The following ZNF284 variants were observed in gnomAD, a reference collection of about 807,000 sequenced individuals.
The protein encoded by ZNF284 is zinc finger protein 284.
A neutral mutation model predicts 12.9 loss-of-function variants in ZNF284; 12 were observed. The observed-to-expected ratio is 0.93, with a 90% CI of 0.60 to 1.51. The LOEUF (loss-of-function observed/expected upper bound fraction) is 1.51, where lower values mean the gene tolerates loss of function less well. Ranked by LOEUF, ZNF284 falls within the 40% of genes most tolerant of loss-of-function variation. ZNF284 has a pLI of 0.00. For synonymous variants in ZNF284, 225 were observed against 236.5 expected, an observed-to-expected ratio of 0.95 and a Z score of 0.45; for missense variants, 667 against 707.3, an observed-to-expected ratio of 0.94 and a Z score of 0.65.
In ZNF284 at chr19:44,082,018, C is replaced by G. The variant is rs767649596; in HGVS notation, c.148C>G (p.Gln50Glu). The G allele has an allele frequency of 2.4e-5, 38 of 1,611,334 alleles. No homozygotes were observed. Among genetic ancestry groups the G allele is most frequent in the Non-Finnish European group, 3.1e-5 (37 of 1,178,860 alleles). ...GCATGTGACTTTGTTCACAGGGCAT[C>G]AACTTTCCCACCGAGATACTTTTCA... ...NFRNLLSVGH[Q>E]LSHRDTFHFQ... The change falls in exon 4 of 5, where the codon CAA (glutamine) becomes GAA (glutamate). Residue 50 changes from glutamine to glutamate, a missense_variant. By Grantham distance (29) the Gln-to-Glu change is conservative. Coordinates refer to ENST00000421176, the MANE Select transcript of ZNF284 (RefSeq NM_001037813.4).
chr19:44,082,365 TG>T (rs949879025), intron 4 of ZNF284, among the ~76,000 whole-genome samples: 2 of 152,224 alleles, frequency 1.3e-5, no homozygotes, highest in Non-Finnish European at 2.9e-5. Flanking sequence ...GCTTCTTATT[TG>T]TGTTAATGTT....
At chr19:44,083,809 G>A (rs115806037) in intron 4 of ZNF284, among the ~76,000 whole-genome samples, 79 of 152,190 alleles carry the variant, frequency 5.2e-4, no homozygotes, top group African/African-American at 1.9e-3. Flanking sequence ...AGAGGTAGTG[G>A]TGATGGGCTG....
chr19:44,080,540 C>T (rs527806791), intron 2 of ZNF284, among the ~76,000 whole-genome samples: 6 of 152,100 alleles, frequency 3.9e-5, no homozygotes, highest in South Asian at 2.1e-4. Flanking sequence ...GAGCTGAAAT[C>T]GCACCACTGC....
intron 4 of ZNF284, among the ~76,000 whole-genome samples, chr19:44,082,971 A>C (rs1967151991): frequency 6.6e-6 from 1 of 152,164 alleles, no homozygotes. Context: ...GGATGTGGAC[A>C]TCTTTCAAGG....
chr19:44,083,468 T>TAGAGAGAG (rs1405485204), intron 4 of ZNF284, among the ~76,000 whole-genome samples: 9 of 62,380 alleles, frequency 1.4e-4, no homozygotes, highest in Admixed American at 3.1e-4. Context: ...TATATATATA[T>TAGAGAGAG]ATATATAGAG....
At position 44,086,741 on chromosome 19, in the gene ZNF284, T is replaced by G. The variant is rs1251137647; in HGVS notation, c.1263T>G (p.Tyr421Ter). ...AGGGCCATTCACATCAGAGAGCCTATAGAGAAGAAGAACTGTATAAATGTC... is the reference window on the plus strand; with the variant it reads ...AGGGCCATTCACATCAGAGAGCCTAGAGAGAAGAAGAACTGTATAAATGTC... Reference protein sequence around the residue: ...NSQGHSHQRAYREEELYKCQK... With the variant: ...NSQGHSHQRA The change falls in exon 5 of 5, where the codon TAT becomes TAG. Residue 421 changes from tyrosine to a stop codon, truncating the protein, a stop_gained. Transcript: ENST00000421176. LOFTEE classifies it low-confidence loss of function (END_TRUNC). 5.6e-6 allele frequency: 9 copies of G among 1,614,078 alleles called. No individual in the cohort carries two copies. Among genetic ancestry groups the G allele is most frequent in the Non-Finnish European group, 7.6e-6 (9 of 1,179,994 alleles).
rs373325849 is a variant in ZNF284 at position 44,084,696 on chromosome 19, C to G, written c.236-1018C>G. Among the ~76,000 whole-genome samples the G allele has an allele frequency of 1.4e-4, 21 of 152,284 alleles. No homozygotes were observed. The East Asian group carries it at 3.3e-3, about 24-fold the overall frequency. On this transcript the variant is annotated intron_variant, in intron 4 of 4. Coordinates refer to ENST00000421176, the MANE Select transcript of ZNF284 (RefSeq NM_001037813.4). ...CTAGATTGCTGGGGACTCTGCCATA[C>G]TGCTGGGTCTAACAGGCATTATTGT...
At chr19:44,085,636 C>T (rs1967219878) in intron 4 of ZNF284, 78 bp from the exon 5 acceptor site, 2 of 1,271,792 alleles carry the variant, frequency 1.6e-6, no homozygotes, top group East Asian at 4.6e-5. Flanking sequence ...AAGTTTCAGG[C>T]CATGTCCTAA....
In ZNF284 at chr19:44,088,446, G is replaced by C. The variant is rs1156769447; in HGVS notation, c.*1186G>C. 6.6e-6 allele frequency: 1 copy of C among 152,144 alleles called. No individual in the cohort carries two copies. The highest frequency in any genetic ancestry group is 2.4e-5 in the African/African-American group (1 of 41,418). 9.4% of individuals were successfully genotyped at this position (152,144 alleles called of 1,614,324 possible). A position where few individuals can be genotyped will look rare whatever the true frequency, so the allele number is the denominator to read the frequency against. On this transcript the variant is annotated 3_prime_UTR_variant, in exon 5 of 5. Coordinates refer to ENST00000421176, the MANE Select transcript of ZNF284 (RefSeq NM_001037813.4). ...TTTTCTGTTGATGAACACTTAGATT[G>C]GTTCCATATGTTAGCTATTGCAAAT...
At chr19:44,072,548 G>C (rs368315017) in intron 1 of ZNF284, among the ~76,000 whole-genome samples, 80 of 152,332 alleles carry the variant, frequency 5.3e-4, no homozygotes, top group African/African-American at 1.9e-3. Context: ...TCTTTAAAAT[G>C]GGGACTTTAG....
chr19:44,076,009 A>G (rs148788887), intron 1 of ZNF284, among the ~76,000 whole-genome samples: 9 of 152,280 alleles, frequency 5.9e-5, no homozygotes, highest in African/African-American at 2.2e-4. Context: ...ATGCGATCAC[A>G]CAGTCCATGG....
intron 4 of ZNF284, chr19:44,085,267 A>G (rs1327581257): frequency 6.4e-6 from 1 of 156,752 alleles, no homozygotes; most frequent in East Asian, 1.9e-4. Context: ...GGGGCTGATC[A>G]TTCCAGTTTT....
At chr19:44,085,395 G>A (rs377759011) in intron 4 of ZNF284, 83 of 198,082 alleles carry the variant, frequency 4.2e-4, no homozygotes, top group African/African-American at 1.9e-3. Context: ...CGTTCCTTCT[G>A]ATTCATCACA....
chr19:44,072,587 C>A (rs1245859965), intron 1 of ZNF284, among the ~76,000 whole-genome samples: 1 of 152,208 alleles, frequency 6.6e-6, no homozygotes, highest in African/African-American at 2.4e-5. Flanking sequence ...GTTTTGGGAA[C>A]TGGAAGAGGT....
At chr19:44,077,310 T>G (rs1190376455) in intron 2 of ZNF284, among the ~76,000 whole-genome samples, 1 of 152,194 alleles carries the variant, frequency 6.6e-6, no homozygotes, top group Non-Finnish European at 1.5e-5. Flanking sequence ...GCTTTTGTTT[T>G]CCCCATGCTT....
chr19:44,072,434 C>G (rs1487085795), intron 1 of ZNF284, 143 bp downstream of exon 1: 3 of 152,232 alleles, frequency 2.0e-5, no homozygotes. Context: ...GTTTTTGGGG[C>G]TCTCAGCTCG....
chr19:44,079,906 C>A (rs1183800764), intron 2 of ZNF284, among the ~76,000 whole-genome samples: 1 of 151,666 alleles, frequency 6.6e-6, no homozygotes, highest in Non-Finnish European at 1.5e-5. Flanking sequence ...CCAGCCTGGG[C>A]AACAAGAGCG....
At chr19:44,080,989 G>C (rs1252944783) in intron 2 of ZNF284, 26 bp from the exon 3 acceptor site, 1 of 1,604,778 alleles carries the variant, frequency 6.2e-7, no homozygotes, top group Non-Finnish European at 8.5e-7. Context: ...TCATGAGATT[G>C]AGATTGCATA....
In ZNF284 at chr19:44,086,768, G is replaced by C. The variant is rs72480794; in HGVS notation, c.1290G>C (p.Gln430His). The C allele has an allele frequency of 2.4e-4, 384 of 1,614,114 alleles. 3 individuals carry two copies. The East Asian group carries it at 7.9e-3, about 33-fold the overall frequency. The part of the protein sequence containing the change: ...AYREEELYKC[Q>H]KCGKGYISKF... The stretch of plus-strand genomic sequence containing the variant: ...GAGAAGAAGAACTGTATAAATGTCA[G>C]AAGTGTGGGAAGGGCTACATTAGTA... Residue 430 changes from glutamine to histidine, a missense_variant, in exon 5 of 5, where the codon CAG (glutamine) becomes CAC (histidine). Coordinates refer to ENST00000421176, the MANE Select transcript of ZNF284 (RefSeq NM_001037813.4).
Sources: allele counts gnomAD v4.1 joint callset (sites outside exome capture counted in the v4.1 genomes callset), GRCh38; gene constraint gnomAD v4.1.1; transcripts MANE v1.5; gene names NCBI Gene and HGNC (gene_info 2026-07-23, HGNC 2026-07-21).